AGXT2: variants seen among roughly 807,000 people sequenced by gnomAD.
AGXT2 encodes alanine--glyoxylate aminotransferase 2, also known as alanine--glyoxylate aminotransferase 2, mitochondrial.
Under a neutral mutation model 62.5 loss-of-function variants are expected in AGXT2, and 61 were observed. The ratio of observed to expected loss-of-function variants is 0.98; its 90% CI spans 0.79 to 1.21. The LOEUF (loss-of-function observed/expected upper bound fraction) is 1.21. Ranked by LOEUF, AGXT2 falls within the 50% of genes most tolerant of loss-of-function variation. The pLI is 0.00. For synonymous variants in AGXT2, 243 were observed against 218.7 expected, an observed-to-expected ratio of 1.11 and a Z score of -0.98; for missense variants, 666 against 641.5, an observed-to-expected ratio of 1.04 and a Z score of -0.41.
intron 11 of AGXT2, among the ~76,000 whole-genome samples, chr5:35,010,641 C>T (rs757505684): frequency 2.0e-5 from 3 of 151,856 alleles, no homozygotes; most frequent in East Asian, 1.9e-4. Context: ...GCCAAGATCG[C>T]GCCACTGCAC....
chr5:35,010,540 C>T (rs1267850816), intron 11 of AGXT2, among the ~76,000 whole-genome samples: 2 of 151,926 alleles, frequency 1.3e-5, no homozygotes, highest in Non-Finnish European at 2.9e-5. Context: ...CAAAAATTAG[C>T]AGGGCTCTGT....
At chr5:35,023,860 A>G (rs1767218232) in intron 9 of AGXT2, among the ~76,000 whole-genome samples, 1 of 127,936 alleles carries the variant, frequency 7.8e-6, no homozygotes, top group Non-Finnish European at 1.6e-5. Flanking sequence ...AGCTGTAGGG[A>G]ATATTTATTT....
intron 8 of AGXT2, chr5:35,026,157 A>G: frequency 1.7e-6 from 1 of 594,594 alleles, no homozygotes; most frequent in Non-Finnish European, 3.0e-6. Context: ...GCAGCTAAAA[A>G]TGGCCAGGGT....
chr5:35,033,313 G>T, intron 6 of AGXT2, 147 bp downstream of exon 6: 1 of 698,734 alleles, frequency 1.4e-6, no homozygotes, highest in South Asian at 1.5e-5. Flanking sequence ...GTCCTCAAGT[G>T]GTCTCCAATT....
At chr5:34,999,455 T>C (rs1222546741) in intron 13 of AGXT2, among the ~76,000 whole-genome samples, 4 of 152,142 alleles carry the variant, frequency 2.6e-5, no homozygotes, top group African/African-American at 9.7e-5. Context: ...CTACCCTTTT[T>C]CTGCTGCACC....
At chr5:35,019,654 A>T (rs896205539) in intron 9 of AGXT2, among the ~76,000 whole-genome samples, 4 of 152,210 alleles carry the variant, frequency 2.6e-5, no homozygotes, top group African/African-American at 9.7e-5. Context: ...CTAACATCAC[A>T]ATTAAAAGAA....
chr5:35,025,782 C>T lies in AGXT2; in HGVS notation c.944G>A (p.Gly315Asp), dbSNP rs1767314888. Residue 315 changes from glycine (G) to aspartate (D), a missense_variant, in exon 9 of 14, where the codon GGC (glycine) becomes GAC (aspartate). Transcript: ENST00000231420. ...EAFELVRARG[G>D]VCIADEVQTG... is the part of the protein sequence containing the mutation. ...ACTTACTTCATCTGCAATGCACACG[C>T]CTCCCCTTGCTCGCACCAGCTCAAA... is the stretch of plus-strand genomic sequence containing the variant. The T allele has an allele frequency of 1.2e-6, 2 of 1,614,138 alleles. No homozygotes were observed. The highest frequency in any genetic ancestry group is 1.7e-6 in the Non-Finnish European group (2 of 1,179,990).
intron 2 of AGXT2, among the ~76,000 whole-genome samples, chr5:35,040,085 GAGAA>G (rs749669429): frequency 1.9e-4 from 29 of 152,068 alleles, no homozygotes; most frequent in Non-Finnish European, 3.1e-4. Context: ...GAGAGAGAGG[GAGAA>G]AGAAAGAGAG....
At position 35,025,849 on chromosome 5, in the gene AGXT2, T is replaced by C. The variant is rs768992970; in HGVS notation, c.877A>G (p.Asn293Asp). The change falls in exon 9 of 14, where the codon AAT becomes GAT. Residue 293 changes from asparagine to aspartate, a missense_variant. Physicochemically the swap from Asn to Asp is conservative, Grantham distance 23. Coordinates refer to ENST00000231420, the MANE Select transcript of AGXT2 (RefSeq NM_031900.4). ...CCCTTTGGGTACTGGACAACTCCAT[T>C]CACACCCTGCAAAAGACCAGACCAA... ...GFFAEPIQGV[N>D]GVVQYPKGFL... 3.7e-6 allele frequency: 6 copies of C among 1,614,090 alleles called. No individual in the cohort carries two copies. The highest frequency in any genetic ancestry group is 5.1e-6 in the Non-Finnish European group (6 of 1,179,982).
chr5:35,033,585 C>G, intron 5 of AGXT2, 32 bp from the exon 6 acceptor site: 3 of 1,570,942 alleles, frequency 1.9e-6, no homozygotes, highest in Non-Finnish European at 2.6e-6. Context: ...AGGATGGGGT[C>G]AAGTTCCTGG....
chr5:35,026,134 C>CAT (rs1767337191), intron 8 of AGXT2: 12 of 590,994 alleles, frequency 2.0e-5, no homozygotes, highest in Non-Finnish European at 3.0e-5. Flanking sequence ...TTGGACAATG[C>CAT]GGATGTTATT....
At chr5:35,018,547 C>A (rs375548105) in intron 9 of AGXT2, among the ~76,000 whole-genome samples, 2 of 152,032 alleles carry the variant, frequency 1.3e-5, no homozygotes, top group East Asian at 3.9e-4. Flanking sequence ...ACCACCAGGC[C>A]TGCCCTAAAA....
At position 35,036,896 on chromosome 5, in the gene AGXT2, T is replaced by C. The variant is rs1767788012; in HGVS notation, c.486+46A>G. ...CTTTGAGCTGGGAGCATCATACCTT[T>C]TTTTTTCCCCCATAACATTCACCTC... On this transcript the variant is annotated intron_variant, in intron 4 of 13. Coordinates refer to ENST00000231420, the MANE Select transcript of AGXT2 (RefSeq NM_031900.4). 8 of 1,612,584 alleles carry C rather than the reference T, an allele frequency of 5.0e-6. No homozygotes were observed. The East Asian group carries it at 1.8e-4, about 36-fold the overall frequency.
intron 1 of AGXT2, among the ~76,000 whole-genome samples, chr5:35,040,889 G>A (rs567653870): frequency 1.1e-4 from 16 of 152,108 alleles, no homozygotes; most frequent in African/African-American, 3.6e-4. Flanking sequence ...AAAAATCTAC[G>A]GCAGTCCCTC....
rs144708069 is a variant in AGXT2 at position 35,026,500 on chromosome 5, T to C, written c.780A>G (p.Gln260=). 69 of 1,613,962 alleles carry C rather than the reference T, an allele frequency of 4.3e-5. 1 individual carries two copies. In the African/African-American group the frequency reaches 5.1e-4, roughly 12 times the overall value. The part of the protein sequence containing the change: ...RKCSCAPDCC[Q]AKDQYIEQFK... ...ATTGCTCAATATACTGATCTTTAGC[T>C]TGGCAGCAGTCTGCAAAAAGCAAAC... Residue 260 remains glutamine, a synonymous_variant, in exon 8 of 14, where the codon CAA becomes CAG. Transcript: ENST00000231420.
intron 7 of AGXT2, among the ~76,000 whole-genome samples, chr5:35,032,066 C>A (rs1767581891): frequency 6.6e-6 from 1 of 151,314 alleles, no homozygotes; most frequent in African/African-American, 2.4e-5. Context: ...GATTCTTGAG[C>A]CTCAGCCTCC....
At chr5:35,014,614 A>T (rs542002750) in intron 9 of AGXT2, among the ~76,000 whole-genome samples, 3 of 152,220 alleles carry the variant, frequency 2.0e-5, no homozygotes, top group East Asian at 3.9e-4. Flanking sequence ...AGGCATCAAG[A>T]GTCATTTCCT....
intron 3 of AGXT2, among the ~76,000 whole-genome samples, chr5:35,037,562 G>C (rs1053971289): frequency 1.3e-5 from 2 of 149,918 alleles, no homozygotes; most frequent in African/African-American, 5.0e-5. Context: ...TTTCTTAAGG[G>C]ATGGGTTCTC....
intron 12 of AGXT2, among the ~76,000 whole-genome samples, chr5:35,004,895 T>A (rs530304057): frequency 1.7e-4 from 26 of 152,312 alleles, no homozygotes; most frequent in African/African-American, 5.3e-4. Flanking sequence ...TAAGGTGTCA[T>A]TGTCTGAGAA....
Sources: gnomAD v4.1 joint callset for allele counts (sites outside exome capture counted in the v4.1 genomes callset) on GRCh38, gnomAD v4.1.1 for gene constraint, MANE v1.5 for transcripts, NCBI Gene and HGNC (gene_info 2026-07-23, HGNC 2026-07-21) for gene names.